Variants in TPO observed in about 807,000 individuals in gnomAD.
TPO encodes the protein thyroid peroxidase, also known as thyroid microsomal antigen.
Under a neutral mutation model 96.9 loss-of-function variants are expected in TPO, and 78 were observed. The observed-to-expected ratio is 0.81, with a 90% CI of 0.67 to 0.97. The LOEUF is 0.97. TPO is among the 50% of genes least tolerant of loss of function. The probability of loss-of-function intolerance (pLI) is 0.00; values close to 1 mark genes in which losing one functional copy is unlikely to be tolerated. For synonymous variants in TPO, 547 were observed against 538.0 expected (o/e 1.02, Z -0.23); for missense variants, 1,252 against 1,274.8 (o/e 0.98, Z 0.27).
Position 1,433,572 on chromosome 2 carries a change from T to C in TPO, c.314T>C (p.Val105Ala). ...TCAATACAAGCGATGAAAAGAAAAG[T>C]CAACCTGAAAACTCAACAATCACAG... is the stretch of plus-strand genomic sequence containing the variant. Reference protein sequence around the residue: ...ETSIQAMKRKVNLKTQQSQHP... With the variant: ...ETSIQAMKRKANLKTQQSQHP... Residue 105 changes from valine (V) to alanine (A), a missense_variant, in exon 4 of 17, where the codon GTC (valine) becomes GCC (alanine). Coordinates refer to ENST00000329066, the MANE Select transcript of TPO (RefSeq NM_001206744.2). 1 of 1,614,064 alleles carries C rather than the reference T, an allele frequency of 6.2e-7. No homozygotes were observed. Among genetic ancestry groups the C allele is most frequent in the Non-Finnish European group, 8.5e-7 (1 of 1,180,016 alleles).
chr2:1,523,413 C>A, intron 15 of TPO, among the ~76,000 whole-genome samples: 1 of 143,866 alleles, frequency 7.0e-6, no homozygotes. Context: ...CCCCAAATCC[C>A]TCCCACTCTG....
intron 15 of TPO, among the ~76,000 whole-genome samples, chr2:1,535,065 C>A (rs1476334720): frequency 2.9e-5 from 3 of 103,802 alleles, no homozygotes; most frequent in Non-Finnish European, 4.2e-5. Flanking sequence ...CCCCAAATCT[C>A]CCCCACTCTG....
intron 5 of TPO, among the ~76,000 whole-genome samples, chr2:1,443,868 T>A (rs535319105): frequency 7.8e-4 from 98 of 124,864 alleles, no homozygotes; most frequent in African/African-American, 2.9e-3. Context: ...ATCCAGTTAT[T>A]GCTGCAGGAG....
At chr2:1,518,977 C>T (rs1368373214) in intron 15 of TPO, among the ~76,000 whole-genome samples, 1 of 152,160 alleles carries the variant, frequency 6.6e-6, no homozygotes, top group East Asian at 1.9e-4. Flanking sequence ...AGCTGGTGTT[C>T]CTCTAGAAAG....
intron 5 of TPO, among the ~76,000 whole-genome samples, chr2:1,440,990 G>A (rs1306719149): frequency 6.6e-6 from 1 of 151,962 alleles, no homozygotes; most frequent in Non-Finnish European, 1.5e-5. Flanking sequence ...GAATAGGGCA[G>A]GGTCCTTCTT....
At chr2:1,466,661 A>T (rs569366400) in intron 7 of TPO, among the ~76,000 whole-genome samples, 1 of 152,194 alleles carries the variant, frequency 6.6e-6, no homozygotes, top group South Asian at 2.1e-4. Flanking sequence ...TTCCCAGTTG[A>T]TGTGCATAAA....
intron 3 of TPO, among the ~76,000 whole-genome samples, chr2:1,430,004 A>G (rs957263601): frequency 6.6e-6 from 1 of 152,214 alleles, no homozygotes; most frequent in African/African-American, 2.4e-5. Context: ...TGTTGGAGTA[A>G]CCATTTACTA....
intron 1 of TPO, among the ~76,000 whole-genome samples, chr2:1,383,849 A>G (rs116716867): frequency 0.021 from 3,130 of 151,890 alleles, 112 homozygotes; most frequent in African/African-American, 0.072. Flanking sequence ...GTTTTCTTCT[A>G]GGTCTAACAT....
chr2:1,423,168 G>A (rs28909374), intron 3 of TPO, 39 bp downstream of exon 3: 8 of 1,593,842 alleles, frequency 5.0e-6, no homozygotes, highest in Non-Finnish European at 6.9e-6. Flanking sequence ...AAATGCCACC[G>A]ACAGGCGCAT....
intron 15 of TPO, among the ~76,000 whole-genome samples, chr2:1,534,385 C>A (rs1324901405): frequency 1.4e-4 from 21 of 147,062 alleles, no homozygotes; most frequent in African/African-American, 4.1e-4. Context: ...CCAAATCCCT[C>A]CAACTGTGTG....
At chr2:1,389,354 C>A (rs534120419) in intron 1 of TPO, among the ~76,000 whole-genome samples, 5 of 152,298 alleles carry the variant, frequency 3.3e-5, no homozygotes, top group Admixed American at 1.3e-4. Context: ...TTTGCAACTT[C>A]ATCTTCCTGG....
chr2:1,423,781 C>A (rs1433627476), intron 3 of TPO, among the ~76,000 whole-genome samples: 1 of 152,062 alleles, frequency 6.6e-6, no homozygotes, highest in Admixed American at 6.5e-5. Flanking sequence ...ATTATTCCAG[C>A]CAGAAAAATA....
chr2:1,540,952 G>C, intron 16 of TPO: 5 of 1,506,014 alleles, frequency 3.3e-6, no homozygotes, highest in Non-Finnish European at 4.5e-6. Flanking sequence ...TGTACAAACC[G>C]GTTCCAAAAC....
chr2:1,449,173 C>T (rs1667104071), intron 5 of TPO, among the ~76,000 whole-genome samples: 1 of 152,210 alleles, frequency 6.6e-6, no homozygotes, highest in Admixed American at 6.5e-5. Context: ...CCCTTAAGAT[C>T]TACCTGGGTT....
chr2:1,397,043 T>C (rs759285297), intron 1 of TPO, among the ~76,000 whole-genome samples: 12 of 152,152 alleles, frequency 7.9e-5, no homozygotes, highest in Non-Finnish European at 1.5e-4. Flanking sequence ...TCACTTGCTG[T>C]TGGAACATTA....
At chr2:1,527,798 A>C (rs1487611473) in intron 15 of TPO, among the ~76,000 whole-genome samples, 14 of 37,668 alleles carry the variant, frequency 3.7e-4, no homozygotes, top group African/African-American at 7.1e-4. Context: ...CCAAAATCCC[A>C]CACACTGTAT....
intron 7 of TPO, among the ~76,000 whole-genome samples, chr2:1,463,066 A>T (rs191849825): frequency 5.9e-5 from 9 of 152,324 alleles, no homozygotes; most frequent in African/African-American, 2.2e-4. Flanking sequence ...TTTGTAAACA[A>T]TTTTAAAAAT....
intron 1 of TPO, among the ~76,000 whole-genome samples, chr2:1,384,436 A>C (rs1661856273): frequency 6.6e-6 from 1 of 152,084 alleles, no homozygotes; most frequent in African/African-American, 2.4e-5. Flanking sequence ...CATCCCTTGT[A>C]AGTTGGATTC....
intron 1 of TPO, among the ~76,000 whole-genome samples, chr2:1,391,961 A>T (rs535834829): frequency 3.1e-4 from 47 of 152,308 alleles, no homozygotes; most frequent in Admixed American, 1.4e-3. Context: ...TCATCTGCGA[A>T]CAGGGACAAT....
Sources: allele counts gnomAD v4.1 joint callset (sites outside exome capture counted in the v4.1 genomes callset), GRCh38; gene constraint gnomAD v4.1.1; transcripts MANE v1.5; gene names NCBI Gene and HGNC (gene_info 2026-07-23, HGNC 2026-07-21).